TTLL9: variants seen among roughly 807,000 people sequenced by gnomAD.
TTLL9 encodes the protein tubulin tyrosine ligase like 9, also known as probable tubulin polyglutamylase TTLL9.
A neutral mutation model predicts 65.6 loss-of-function variants in TTLL9; 47 were observed. That is an observed-to-expected ratio of 0.72 (90% confidence interval 0.57 to 0.91). The LOEUF is 0.91. TTLL9 is among the 40% of genes least tolerant of loss of function. TTLL9 has a pLI of 0.00. For missense variants in TTLL9, 537 were observed against 568.8 expected (o/e 0.94, Z 0.57); for synonymous variants, 179 against 204.8 (o/e 0.87, Z 1.07).
Position 31,934,899 on chromosome 20 carries a change from G to A in TTLL9, c.1004+11G>A, listed in dbSNP as rs533904735. On this transcript the variant is annotated intron_variant, in intron 12 of 14. Transcript: ENST00000535842. ...CCAGGACCTCAAGCCGTAAGTGGGT[G>A]GGTGGGAGAGCCAGGAGGTCATAGT... 6.2e-7 allele frequency: 1 copy of A among 1,605,202 alleles called. No homozygotes were observed. Among genetic ancestry groups the A allele is most frequent in the Admixed American group, 1.7e-5 (1 of 59,660 alleles).
intron 6 of TTLL9, among the ~76,000 whole-genome samples, chr20:31,911,600 G>A (rs957330067): frequency 1.3e-5 from 2 of 152,224 alleles, no homozygotes; most frequent in Non-Finnish European, 2.9e-5. Flanking sequence ...GAGGAAGGCC[G>A]TGGCTGGAGC....
At chr20:31,905,052 G>A (rs898237055) in intron 4 of TTLL9, among the ~76,000 whole-genome samples, 1 of 152,104 alleles carries the variant, frequency 6.6e-6, no homozygotes, top group African/African-American at 2.4e-5. Flanking sequence ...TATGGTATCT[G>A]AGGGTTTATA....
chr20:31,926,897 G>A (rs562668243), intron 10 of TTLL9, among the ~76,000 whole-genome samples: 1 of 151,938 alleles, frequency 6.6e-6, no homozygotes, highest in East Asian at 1.9e-4. Flanking sequence ...TTGAGGCCAG[G>A]AGTTCAAGAC....
chr20:31,916,401 A>G (rs911517911), intron 6 of TTLL9, among the ~76,000 whole-genome samples: 2 of 152,196 alleles, frequency 1.3e-5, no homozygotes, highest in African/African-American at 2.4e-5. Context: ...TGCTGGAACT[A>G]GGTATTAGGT....
Position 31,919,881 on chromosome 20 carries a change from G to A in TTLL9, c.522G>A (p.Gly174=). The A allele has an allele frequency of 6.9e-6, 11 of 1,592,880 alleles. No homozygotes were observed. The highest frequency in any genetic ancestry group is 9.4e-6 in the Non-Finnish European group (11 of 1,170,226). The part of the protein sequence containing the change: ...WIMKPVARSQ[G]KGIFLFRRLK... Reference sequence around the variant, plus strand: ...CACCCCAGGTAGCCCGGTCTCAAGGGAAAGGCATCTTCCTCTTCCGTAGGC... The same window carrying A: ...CACCCCAGGTAGCCCGGTCTCAAGGAAAAGGCATCTTCCTCTTCCGTAGGC... Residue 174 remains glycine, a synonymous_variant, in exon 7 of 15, where the codon GGG becomes GGA. Transcript: ENST00000535842.
intron 7 of TTLL9, 129 bp from the exon 8 acceptor site, chr20:31,922,834 A>G: frequency 1.5e-6 from 1 of 682,420 alleles, no homozygotes; most frequent in Non-Finnish European, 2.5e-6. Context: ...TGGAAATAAC[A>G]TTAGTACTTA....
At chr20:31,918,335 G>A (rs1192074009) in intron 6 of TTLL9, among the ~76,000 whole-genome samples, 2 of 151,924 alleles carry the variant, frequency 1.3e-5, no homozygotes, top group African/African-American at 4.8e-5. Flanking sequence ...CTTCTCTGTT[G>A]GTGAACCCTC....
chr20:31,891,182 A>G (rs942801032), intron 3 of TTLL9, among the ~76,000 whole-genome samples: 3 of 152,104 alleles, frequency 2.0e-5, no homozygotes, highest in African/African-American at 4.8e-5. Flanking sequence ...AGGAGTTTCC[A>G]TTGTATTCCA....
intron 10 of TTLL9, 99 bp from the exon 11 acceptor site, chr20:31,933,701 T>C (rs1425441992): frequency 8.7e-7 from 1 of 1,151,430 alleles, no homozygotes; most frequent in Non-Finnish European, 1.2e-6. Context: ...AGCTATTTCG[T>C]AGCCTTCCCC....
At chr20:31,920,239 AC>A (rs2063796777) in intron 7 of TTLL9, among the ~76,000 whole-genome samples, 1 of 151,652 alleles carries the variant, frequency 6.6e-6, no homozygotes, top group Non-Finnish European at 1.5e-5. Context: ...GCACACACAC[AC>A]ACACACACAC....
In TTLL9 at chr20:31,944,877, C is replaced by G. The variant is rs2064296945; in HGVS notation, c.*1856C>G. The stretch of plus-strand genomic sequence containing the variant: ...CACAGGTTTATTTCAAGGCAAGAAC[C>G]ATGTTCATAGGTTGTATTCTAAATG... On this transcript the variant is annotated 3_prime_UTR_variant, in exon 15 of 15. Coordinates refer to ENST00000535842, the MANE Select transcript of TTLL9 (RefSeq NM_001008409.5). The G allele has an allele frequency of 6.6e-6, 1 of 152,242 alleles. No individual in the cohort carries two copies. Among genetic ancestry groups the G allele is most frequent in the African/African-American group, 2.4e-5 (1 of 41,456 alleles). The allele number at this position is 152,242 out of a possible 1,614,324, so 9.4% of individuals were successfully genotyped here. A position where few individuals can be genotyped will look rare whatever the true frequency, so the allele number is the denominator to read the frequency against.
intron 4 of TTLL9, among the ~76,000 whole-genome samples, chr20:31,902,435 C>T (rs2063492623): frequency 6.6e-6 from 1 of 152,142 alleles, no homozygotes; most frequent in South Asian, 2.1e-4. Flanking sequence ...GGCTGGAGTC[C>T]AGTGGCTCGA....
chr20:31,923,869 C>G (rs2063852444), intron 8 of TTLL9, among the ~76,000 whole-genome samples: 1 of 152,122 alleles, frequency 6.6e-6, no homozygotes, highest in South Asian at 2.1e-4. Flanking sequence ...AAACACCACC[C>G]AAAGGCCAGT....
chr20:31,944,038 G>A lies in TTLL9; in HGVS notation c.*1017G>A, dbSNP rs554413249. The A allele has an allele frequency of 5.9e-6, 2 of 336,948 alleles. No individual in the cohort carries two copies. The highest frequency in any genetic ancestry group is 1.5e-4 in the East Asian group (2 of 13,362). 20.9% of individuals were successfully genotyped at this position (336,948 alleles called of 1,614,324 possible). A position where few individuals can be genotyped will look rare whatever the true frequency, so the allele number is the denominator to read the frequency against. ...TCTGCCTGCCTAGGTCAAGCCCGAA[G>A]GGAAGACTTTTGGAAGGAAAATACT... On this transcript the variant is annotated 3_prime_UTR_variant, in exon 15 of 15. Transcript: ENST00000535842.
intron 2 of TTLL9, among the ~76,000 whole-genome samples, chr20:31,883,092 C>T (rs1355562457): frequency 2.0e-5 from 3 of 152,158 alleles, no homozygotes; most frequent in African/African-American, 7.2e-5. Context: ...AGACCCCCAC[C>T]CTTAGTAAAG....
At chr20:31,919,958 C>G in intron 7 of TTLL9, 26 bp downstream of exon 7, 1 of 1,559,004 alleles carries the variant, frequency 6.4e-7, no homozygotes, top group Non-Finnish European at 8.7e-7. Flanking sequence ...CCCCCTTCCT[C>G]CCTGAACCCT....
Position 31,898,492 on chromosome 20 carries a change from C to G in TTLL9, c.133C>G (p.Arg45Gly). 1 of 1,614,148 alleles carries G rather than the reference C, an allele frequency of 6.2e-7. No individual in the cohort carries two copies. Among genetic ancestry groups the G allele is most frequent in the Non-Finnish European group, 8.5e-7 (1 of 1,180,018 alleles). The change falls in exon 4 of 15, where the codon CGG becomes GGG. Residue 45 changes from arginine (R) to glycine (G), a missense_variant. Coordinates refer to ENST00000535842, the MANE Select transcript of TTLL9 (RefSeq NM_001008409.5). ...GKEREQRASIRFKTTLMNTLM... is the reference protein window; with the variant it reads ...GKEREQRASIGFKTTLMNTLM... ...TTGCAGAGAGCAGAGAGCATCGATC[C>G]GGTTCAAGACCACCCTCATGAACAC...
chr20:31,944,023 T>C lies in TTLL9; in HGVS notation c.*1002T>C. 1 of 346,682 alleles carries C rather than the reference T, an allele frequency of 2.9e-6. No homozygotes were observed. The highest frequency in any genetic ancestry group is 5.8e-6 in the Non-Finnish European group (1 of 173,888). 21.5% of individuals were successfully genotyped at this position (346,682 alleles called of 1,614,324 possible). A position where few individuals can be genotyped will look rare whatever the true frequency, so the allele number is the denominator to read the frequency against. On this transcript the variant is annotated 3_prime_UTR_variant, in exon 15 of 15. Transcript: ENST00000535842. ...CTGCAAATGGTTGAATCTGCCTGCCTAGGTCAAGCCCGAAGGGAAGACTTT... is the reference window on the plus strand; with the variant it reads ...CTGCAAATGGTTGAATCTGCCTGCCCAGGTCAAGCCCGAAGGGAAGACTTT...
chr20:31,911,177 A>G (rs368446705), intron 6 of TTLL9, among the ~76,000 whole-genome samples: 4 of 152,104 alleles, frequency 2.6e-5, no homozygotes, highest in African/African-American at 9.7e-5. Flanking sequence ...TCCGTCTCAA[A>G]AAAAAAAGAA....
Sources: gnomAD v4.1 joint callset for allele counts (sites outside exome capture counted in the v4.1 genomes callset) on GRCh38, gnomAD v4.1.1 for gene constraint, MANE v1.5 for transcripts, NCBI Gene and HGNC (gene_info 2026-07-23, HGNC 2026-07-21) for gene names.